RBM47: variants seen among roughly 807,000 people sequenced by gnomAD.
RBM47 encodes the protein RNA binding motif protein 47, also known as RNA-binding protein 47.
In RBM47, 21 loss-of-function variants were observed where a neutral mutation model predicts 47.1. That is an observed-to-expected ratio of 0.45 (90% CI 0.32 to 0.64). RBM47 has a LOEUF of 0.64. Among genes scored for constraint, RBM47 ranks in the 30% least tolerant of loss-of-function variants. The probability of loss-of-function intolerance (pLI) is 0.05; values close to 1 mark genes in which losing one functional copy is unlikely to be tolerated. For synonymous variants in RBM47, 375 were observed against 361.7 expected (o/e 1.04, Z -0.42); for missense variants, 708 against 870.9 (o/e 0.81, Z 2.35).
intron 1 of RBM47, among the ~76,000 whole-genome samples, chr4:40,627,168 G>A (rs1737819845): frequency 6.6e-6 from 1 of 152,128 alleles, no homozygotes; most frequent in Non-Finnish European, 1.5e-5. Context: ...CTGAAACACT[G>A]CAATATAACC....
At chr4:40,480,794 T>C (rs1376448121) in intron 2 of RBM47, among the ~76,000 whole-genome samples, 1 of 152,184 alleles carries the variant, frequency 6.6e-6, no homozygotes, top group Non-Finnish European at 1.5e-5. Flanking sequence ...TAAGTAATTA[T>C]TAGTATTTAC....
At chr4:40,451,907 T>C (rs753667310) in intron 3 of RBM47, among the ~76,000 whole-genome samples, 5 of 152,112 alleles carry the variant, frequency 3.3e-5, no homozygotes, top group Admixed American at 2.6e-4. Context: ...CAGTGGCTCA[T>C]GCCTGTAATC....
At chr4:40,432,162 T>A (rs1239991172) in intron 6 of RBM47, among the ~76,000 whole-genome samples, 3 of 151,918 alleles carry the variant, frequency 2.0e-5, no homozygotes, top group Non-Finnish European at 2.9e-5. Context: ...CACAAAATTT[T>A]ACGTATCTAT....
intron 6 of RBM47, among the ~76,000 whole-genome samples, chr4:40,432,052 C>T (rs1716189599): frequency 6.6e-6 from 1 of 151,944 alleles, no homozygotes; most frequent in African/African-American, 2.4e-5. Flanking sequence ...CAGTGTCTCA[C>T]CATGTTGCCC....
chr4:40,555,084 C>T (rs1235937597), intron 1 of RBM47, among the ~76,000 whole-genome samples: 1 of 152,128 alleles, frequency 6.6e-6, no homozygotes, highest in Non-Finnish European at 1.5e-5. Context: ...TACAAGCGCC[C>T]GCCACCATGC....
chr4:40,498,670 C>CAAA (rs910303039), intron 2 of RBM47, among the ~76,000 whole-genome samples: 8 of 62,552 alleles, frequency 1.3e-4, no homozygotes, highest in Non-Finnish European at 2.0e-4. Context: ...GACTCCATCT[C>CAAA]AAAAAAAAAA....
At chr4:40,595,475 C>G (rs1420188328) in intron 1 of RBM47, among the ~76,000 whole-genome samples, 1 of 151,810 alleles carries the variant, frequency 6.6e-6, no homozygotes, top group Non-Finnish European at 1.5e-5. Flanking sequence ...GCCTGGGCGA[C>G]AGAGCAAGAC....
chr4:40,448,623 A>G (rs1280334057), intron 3 of RBM47, among the ~76,000 whole-genome samples: 1 of 152,236 alleles, frequency 6.6e-6, no homozygotes, highest in African/African-American at 2.4e-5. Flanking sequence ...AGTTCAAGTC[A>G]TGACTGTGCC....
chr4:40,512,149 G>A (rs1333637411), intron 2 of RBM47, among the ~76,000 whole-genome samples: 1 of 152,012 alleles, frequency 6.6e-6, no homozygotes, highest in Non-Finnish European at 1.5e-5. Context: ...TGCCAGGCGC[G>A]GTGGCTCACA....
intron 2 of RBM47, among the ~76,000 whole-genome samples, chr4:40,471,643 G>A (rs1188375640): frequency 3.3e-5 from 5 of 150,738 alleles, no homozygotes; most frequent in East Asian, 1.9e-4. Flanking sequence ...GCAGTAAGCC[G>A]AGATCGTGCC....
At chr4:40,519,073 C>T (rs1002964402) in intron 2 of RBM47, among the ~76,000 whole-genome samples, 7 of 151,772 alleles carry the variant, frequency 4.6e-5, no homozygotes, top group Admixed American at 1.3e-4. Context: ...TGGTGGCATG[C>T]GCCTGTGGTC....
intron 1 of RBM47, among the ~76,000 whole-genome samples, chr4:40,592,303 A>G (rs1159584700): frequency 2.0e-5 from 3 of 148,336 alleles, no homozygotes; most frequent in African/African-American, 7.5e-5. Context: ...CGCTCAGGCT[A>G]GAGTGCAGTG....
intron 1 of RBM47, among the ~76,000 whole-genome samples, chr4:40,568,124 A>G (rs1431324292): frequency 2.0e-5 from 3 of 151,740 alleles, no homozygotes; most frequent in African/African-American, 4.8e-5. Flanking sequence ...AAAACAAAAA[A>G]AAAGTGTTGT....
At chr4:40,567,098 A>G (rs1449051989) in intron 1 of RBM47, among the ~76,000 whole-genome samples, 1 of 152,010 alleles carries the variant, frequency 6.6e-6, no homozygotes, top group Non-Finnish European at 1.5e-5. Context: ...TATAAGTAAT[A>G]GTGATCCATG....
At chr4:40,455,222 T>G (rs1716053174) in intron 3 of RBM47, among the ~76,000 whole-genome samples, 1 of 152,184 alleles carries the variant, frequency 6.6e-6, no homozygotes, top group Non-Finnish European at 1.5e-5. Context: ...GGAATTAAAT[T>G]CTTAAATGGA....
chr4:40,574,000 T>C (rs1027352439), intron 1 of RBM47, among the ~76,000 whole-genome samples: 3 of 152,210 alleles, frequency 2.0e-5, no homozygotes, highest in Admixed American at 2.0e-4. Flanking sequence ...GTGGATCAGA[T>C]GACCTTTTGC....
intron 1 of RBM47, among the ~76,000 whole-genome samples, chr4:40,623,128 G>A (rs1737419804): frequency 6.6e-6 from 1 of 152,116 alleles, no homozygotes; most frequent in Non-Finnish European, 1.5e-5. Context: ...CCGGAGAAGT[G>A]ACTCCTAGGT....
chr4:40,600,195 T>G (rs1170579642), intron 1 of RBM47, among the ~76,000 whole-genome samples: 2 of 148,044 alleles, frequency 1.4e-5, no homozygotes, highest in African/African-American at 2.5e-5. Context: ...TTTTTTTTTG[T>G]AGAGACAGGG....
intron 2 of RBM47, among the ~76,000 whole-genome samples, chr4:40,519,527 C>T (rs1166908449): frequency 6.6e-6 from 1 of 151,870 alleles, no homozygotes; most frequent in African/African-American, 2.4e-5. Flanking sequence ...GAACTCCCAA[C>T]CTCAGGTGAT....
Sources: gnomAD v4.1 joint callset for allele counts (sites outside exome capture counted in the v4.1 genomes callset) on GRCh38, gnomAD v4.1.1 for gene constraint, MANE v1.5 for transcripts, NCBI Gene and HGNC (gene_info 2026-07-23, HGNC 2026-07-21) for gene names.